ZNF175: variants seen among roughly 807,000 people sequenced by gnomAD.
ZNF175 encodes zinc finger protein 175, also known as zinc finger protein OTK18.
In ZNF175, 8 loss-of-function variants were observed where a neutral mutation model predicts 14.0. The observed-to-expected ratio is 0.57, with a 90% confidence interval of 0.34 to 1.03. The LOEUF is 1.03. Among genes scored for constraint, ZNF175 ranks in the 50% least tolerant of loss-of-function variants. ZNF175 has a pLI of 0.03. For synonymous variants in ZNF175, 255 were observed against 296.8 expected, an observed-to-expected ratio of 0.86 and a Z score of 1.45; for missense variants, 764 against 849.5, an observed-to-expected ratio of 0.90 and a Z score of 1.25.
chr19:51,587,386 C>T lies in ZNF175; in HGVS notation c.1055C>T (p.Thr352Met), dbSNP rs371557716. 73 of 1,614,004 alleles carry T rather than the reference C, an allele frequency of 4.5e-5. No individual in the cohort carries two copies. Among genetic ancestry groups the T allele is most frequent in the African/African-American group, 1.1e-4 (8 of 74,996 alleles). The change falls in exon 5 of 5, where the codon ACG (threonine) becomes ATG (methionine). Residue 352 changes from threonine (T) to methionine (M), a missense_variant. Physicochemically the swap from Thr to Met is moderately conservative, Grantham distance 81. Coordinates refer to ENST00000262259, the MANE Select transcript of ZNF175 (RefSeq NM_007147.4). Reference sequence around the variant, plus strand: ...TTTATTCAGAGATCAGAATTGCTTACGCACCAGAAAACACACACTAGAAAG... The same window carrying T: ...TTTATTCAGAGATCAGAATTGCTTATGCACCAGAAAACACACACTAGAAAG... ...KVFIQRSELL[T>M]HQKTHTRKKP...
Position 51,589,568 on chromosome 19 carries a change from C to T in ZNF175, c.*1101C>T. 1 of 701,774 alleles carries T rather than the reference C, an allele frequency of 1.4e-6. No individual in the cohort carries two copies. Among genetic ancestry groups the T allele is most frequent in the Non-Finnish European group, 2.6e-6 (1 of 384,662 alleles). 43.5% of individuals were successfully genotyped at this position (701,774 alleles called of 1,614,324 possible). On this transcript the variant is annotated 3_prime_UTR_variant, in exon 5 of 5. Coordinates refer to ENST00000262259, the MANE Select transcript of ZNF175 (RefSeq NM_007147.4). Reference sequence around the variant, plus strand: ...TTTAGGATTAGCTCAGCTTGCCCCCCCTTTCCATCTCCACCATCTATAGTG... The same window carrying T: ...TTTAGGATTAGCTCAGCTTGCCCCCTCTTTCCATCTCCACCATCTATAGTG...
At chr19:51,577,373 T>C (rs902368469) in intron 2 of ZNF175, among the ~76,000 whole-genome samples, 1 of 152,198 alleles carries the variant, frequency 6.6e-6, no homozygotes, top group Admixed American at 6.5e-5. Flanking sequence ...AAAGGGTTTT[T>C]ATGCTCTGTC....
chr19:51,586,478 G>A, intron 4 of ZNF175, 149 bp from the exon 5 acceptor site: 2 of 775,008 alleles, frequency 2.6e-6, no homozygotes, highest in Non-Finnish European at 4.1e-6. Context: ...CATGTAATAA[G>A]GGCTCTGTGT....
chr19:51,577,631 G>A (rs933849114), intron 2 of ZNF175, among the ~76,000 whole-genome samples: 1 of 149,544 alleles, frequency 6.7e-6, no homozygotes, highest in African/African-American at 2.5e-5. Flanking sequence ...ATCATGAAAA[G>A]TAATTTTTTT....
Position 51,586,758 on chromosome 19 carries a change from G to A in ZNF175, c.427G>A (p.Asp143Asn), listed in dbSNP as rs1450653045. 4 of 1,614,196 alleles carry A rather than the reference G, an allele frequency of 2.5e-6. No individual in the cohort carries two copies. The highest frequency in any genetic ancestry group is 2.5e-6 in the Non-Finnish European group (3 of 1,180,026). ...SILEELRLDADRTKKDEQNQI... is the reference protein window; with the variant it reads ...SILEELRLDANRTKKDEQNQI... ...TTTAGAAGAACTGAGGCTGGATGCT[G>A]ACCGCACAAAGAAAGATGAGCAAAA... The change falls in exon 5 of 5, where the codon GAC becomes AAC. Residue 143 changes from aspartate to asparagine, a missense_variant. Transcript: ENST00000262259.
chr19:51,582,844 C>A lies in ZNF175; in HGVS notation c.295+962C>A, dbSNP rs1982057910. ...GGCACCTCTAGCTTGGGGCCCTGTT[C>A]TTCCATATGGGCATCTTTTCTTTTT... On this transcript the variant is annotated intron_variant, in intron 4 of 4. Transcript: ENST00000262259. Among the ~76,000 whole-genome samples the A allele has an allele frequency of 2.0e-5, 3 of 151,990 alleles. No homozygotes were observed. The South Asian group carries it at 6.2e-4, about 31-fold the overall frequency.
Position 51,589,269 on chromosome 19 carries a change from C to CGTAT in ZNF175, c.*820_*823dup, listed in dbSNP as rs3838910. 135,647 of 425,382 alleles carry CGTAT rather than the reference C, an allele frequency of 0.32. 22,396 individuals are homozygous for CGTAT. Among genetic ancestry groups the CGTAT allele is most frequent in the East Asian group, 0.73 (15,522 of 21,232 alleles). 26.4% of individuals were successfully genotyped at this position (425,382 alleles called of 1,614,324 possible). On this transcript the variant is annotated 3_prime_UTR_variant, in exon 5 of 5. Coordinates refer to ENST00000262259, the MANE Select transcript of ZNF175 (RefSeq NM_007147.4). Reference sequence around the variant, plus strand: ...TCTGGTCAGCATATGTGTATGTATGCGTATGTATGTATGTATGTATGCCCT... The same window carrying CGTAT: ...TCTGGTCAGCATATGTGTATGTATGCGTATGTATGTATGTATGTATGTATGCCCT...
At position 51,573,158 on chromosome 19, in the gene ZNF175, A is replaced by G; in HGVS notation, c.-172A>G. 1 of 668,574 alleles carries G rather than the reference A, an allele frequency of 1.5e-6. No homozygotes were observed. Among genetic ancestry groups the G allele is most frequent in the East Asian group, 2.8e-5 (1 of 35,898 alleles). The allele number at this position is 668,574 out of a possible 1,614,324, so 41.4% of individuals were successfully genotyped here. ...CTCATTGCTTTTCCAAGGCTTCTGC[A>G]GAACCCCCAGGTCAGGCCACATCAT... On this transcript the variant is annotated 5_prime_UTR_variant, in exon 2 of 5. Coordinates refer to ENST00000262259, the MANE Select transcript of ZNF175 (RefSeq NM_007147.4).
Position 51,573,154 on chromosome 19 carries a change from C to T in ZNF175, c.-176C>T. 1 of 657,504 alleles carries T rather than the reference C, an allele frequency of 1.5e-6. No individual in the cohort carries two copies. Among genetic ancestry groups the T allele is most frequent in the Non-Finnish European group, 2.7e-6 (1 of 373,720 alleles). 40.7% of individuals were successfully genotyped at this position (657,504 alleles called of 1,614,324 possible). Reference sequence around the variant, plus strand: ...TGTACTCATTGCTTTTCCAAGGCTTCTGCAGAACCCCCAGGTCAGGCCACA... The same window carrying T: ...TGTACTCATTGCTTTTCCAAGGCTTTTGCAGAACCCCCAGGTCAGGCCACA... On this transcript the variant is annotated 5_prime_UTR_variant, in exon 2 of 5. Transcript: ENST00000262259.
Position 51,589,773 on chromosome 19 carries a change from G to C in ZNF175, c.*1306G>C. The C allele has an allele frequency of 1.7e-6, 1 of 573,190 alleles. No individual in the cohort carries two copies. The highest frequency in any genetic ancestry group is 3.1e-6 in the Non-Finnish European group (1 of 323,930). The allele number at this position is 573,190 out of a possible 1,614,324, so 35.5% of individuals were successfully genotyped here. A position where few individuals can be genotyped will look rare whatever the true frequency, so the allele number is the denominator to read the frequency against. On this transcript the variant is annotated 3_prime_UTR_variant, in exon 5 of 5. Transcript: ENST00000262259. ...TCTGGGCTTCTTTTGTGCTGCACTG[G>C]CAGAATTGAGTAGTTTTGGCGGAGA...
chr19:51,587,316 C>T lies in ZNF175; in HGVS notation c.985C>T (p.His329Tyr). 1 of 1,614,144 alleles carries T rather than the reference C, an allele frequency of 6.2e-7. No individual in the cohort carries two copies. The highest frequency in any genetic ancestry group is 1.1e-5 in the South Asian group (1 of 91,082). ...QLKLSVYLTD[H>Y]TGDIPCICKE... ...AAAACTCAGTGTATATCTGACAGATCATACAGGTGATATACCCTGTATATG... is the reference window on the plus strand; with the variant it reads ...AAAACTCAGTGTATATCTGACAGATTATACAGGTGATATACCCTGTATATG... Residue 329 changes from histidine (H) to tyrosine (Y), a missense_variant, in exon 5 of 5, where the codon CAT becomes TAT. His to Tyr is a moderately conservative substitution (Grantham distance 83). Coordinates refer to ENST00000262259, the MANE Select transcript of ZNF175 (RefSeq NM_007147.4).
chr19:51,587,718 A>T lies in ZNF175; in HGVS notation c.1387A>T (p.Ile463Phe). 6.2e-7 allele frequency: 1 copy of T among 1,614,166 alleles called. No individual in the cohort carries two copies. The highest frequency in any genetic ancestry group is 8.5e-7 in the Non-Finnish European group (1 of 1,180,024). Residue 463 changes from isoleucine to phenylalanine, a missense_variant, in exon 5 of 5, where the codon ATT becomes TTT. Ile to Phe is a conservative substitution (Grantham distance 21). Coordinates refer to ENST00000262259, the MANE Select transcript of ZNF175 (RefSeq NM_007147.4). ...GQAFIQKAHL[I>F]VHQRSHTGEK... ...GGCCTTCATCCAGAAGGCACACCTG[A>T]TTGTCCATCAAAGAAGCCACACAGG...
At chr19:51,579,050 T>G (rs373321305) in intron 2 of ZNF175, among the ~76,000 whole-genome samples, 8 of 152,128 alleles carry the variant, frequency 5.3e-5, no homozygotes, top group African/African-American at 1.9e-4. Context: ...GGCCAGAGTT[T>G]AAGACCAGCC....
chr19:51,573,721 C>T (rs8110809), intron 2 of ZNF175: 256,350 of 412,382 alleles, frequency 0.62, 81,193 homozygotes, highest in East Asian at 0.82. Flanking sequence ...TCATCCACCA[C>T]TGGGTCTTTG....
intron 4 of ZNF175, 80 bp downstream of exon 4, chr19:51,581,962 C>T: frequency 7.4e-7 from 1 of 1,343,804 alleles, no homozygotes; most frequent in Non-Finnish European, 1.0e-6. Context: ...CTATTCCCTC[C>T]ATTCCCCCAG....
In ZNF175 at chr19:51,588,103, A is replaced by C; in HGVS notation, c.1772A>C (p.Glu591Ala). ...GGTGAGAAACCCTATGTGTGCACTGAATGTGGGAAGGCCTTCAACGGCAGG... is the reference window on the plus strand; with the variant it reads ...GGTGAGAAACCCTATGTGTGCACTGCATGTGGGAAGGCCTTCAACGGCAGG... ...HTGEKPYVCTECGKAFNGRSN... is the reference protein window; with the variant it reads ...HTGEKPYVCTACGKAFNGRSN... Residue 591 changes from glutamate to alanine, a missense_variant, in exon 5 of 5, where the codon GAA becomes GCA. Physicochemically the swap from Glu to Ala is moderately radical, Grantham distance 107 (BLOSUM62 -1). Transcript: ENST00000262259. 1 of 1,614,210 alleles carries C rather than the reference A, an allele frequency of 6.2e-7. No homozygotes were observed. The highest frequency in any genetic ancestry group is 8.5e-7 in the Non-Finnish European group (1 of 1,180,014).
rs778749738 is a variant in ZNF175, at chr19:51,581,417, C to T, written c.99C>T (p.Thr33=). Reference sequence around the variant, plus strand: ...CATCAGTGTCATTTGAGGACGTGACCGTGGACTTCAGCAGGGAGGAGTGGC... The same window carrying T: ...CATCAGTGTCATTTGAGGACGTGACTGTGGACTTCAGCAGGGAGGAGTGGC... ...CEASVSFEDV[T]VDFSREEWQQ... The change falls in exon 3 of 5, where the codon ACC becomes ACT. Residue 33 remains threonine, a synonymous_variant. Transcript: ENST00000262259. The T allele has an allele frequency of 1.4e-5, 22 of 1,613,916 alleles. No homozygotes were observed. The highest frequency in any genetic ancestry group is 1.6e-4 in the Middle Eastern group (1 of 6,084).
In ZNF175 at chr19:51,587,805, A is replaced by G. The variant is rs902243409; in HGVS notation, c.1474A>G (p.Ile492Val). The stretch of plus-strand genomic sequence containing the variant: ...CTTCATTTCCAAGTCACAGCTTGAT[A>G]TACATCATCGAATTCATACAGGGGA... ...KSFISKSQLDIHHRIHTGEKP... is the reference protein window; with the variant it reads ...KSFISKSQLDVHHRIHTGEKP... The change falls in exon 5 of 5, where the codon ATA becomes GTA. Residue 492 changes from isoleucine (I) to valine (V), a missense_variant. Transcript: ENST00000262259. 21 of 1,614,068 alleles carry G rather than the reference A, an allele frequency of 1.3e-5. No individual in the cohort carries two copies. The highest frequency in any genetic ancestry group is 1.7e-5 in the Non-Finnish European group (20 of 1,180,034).
intron 3 of ZNF175, 50 bp from the exon 4 acceptor site, chr19:51,581,737 C>T: frequency 6.3e-7 from 1 of 1,598,494 alleles, no homozygotes; most frequent in Non-Finnish European, 8.5e-7. Context: ...TGAATGGCCT[C>T]TAAAACTGAA....
Sources: gnomAD v4.1 joint callset for allele counts (sites outside exome capture counted in the v4.1 genomes callset) on GRCh38, gnomAD v4.1.1 for gene constraint, MANE v1.5 for transcripts, NCBI Gene and HGNC (gene_info 2026-07-23, HGNC 2026-07-21) for gene names.